IQSEC3: variants seen among roughly 807,000 people sequenced by gnomAD.
IQSEC3 encodes IQ motif and Sec7 domain ArfGEF 3.
In IQSEC3, 50 loss-of-function variants were observed where a neutral mutation model predicts 105.4. The ratio of observed to expected loss-of-function variants is 0.47; its 90% confidence interval spans 0.38 to 0.60. The LOEUF is 0.60. IQSEC3 is among the 20% of genes least tolerant of loss of function. The pLI is 0.00. For missense variants in IQSEC3, 1,415 were observed against 1,630.0 expected (o/e 0.87, Z 2.27); for synonymous variants, 708 against 746.0 (o/e 0.95, Z 0.83).
intron 3 of IQSEC3, among the ~76,000 whole-genome samples, chr12:136,562 C>T (rs528845088): frequency 2.3e-4 from 35 of 152,136 alleles, no homozygotes; most frequent in Non-Finnish European, 3.7e-4. Context: ...TATCTGTACC[C>T]TCGCCATCCA....
Position 157,698 on chromosome 12 carries a change from A to C in IQSEC3, c.2443+4A>C. On this transcript the variant is annotated splice_donor_region_variant and intron_variant, in intron 7 of 13. Coordinates refer to ENST00000538872, the MANE Select transcript of IQSEC3 (RefSeq NM_001170738.2). ...GACTTCATCCGAAACCTTCGAGGTG[A>C]GGAGGTGGGCACTGGGGCAGGAGGG... 1 of 1,610,518 alleles carries C rather than the reference A, an allele frequency of 6.2e-7. No individual in the cohort carries two copies. Among genetic ancestry groups the C allele is most frequent in the African/African-American group, 1.3e-5 (1 of 75,020 alleles).
chr12:171,153 A>G lies in IQSEC3; in HGVS notation c.3106A>G (p.Thr1036Ala). ...AALRERPAES[T>A]VEVSIHNRLQ... is the part of the protein sequence containing the mutation. Reference sequence around the variant, plus strand: ...GCTCAGGGAGAGGCCGGCGGAGAGCACGGTGGAGGTAAGTGGAGCCCTGGT... The same window carrying G: ...GCTCAGGGAGAGGCCGGCGGAGAGCGCGGTGGAGGTAAGTGGAGCCCTGGT... The change falls in exon 13 of 14, where the codon ACG (threonine) becomes GCG (alanine). Residue 1036 changes from threonine to alanine, a missense_variant. Around this residue, in one of 6 missense-constraint regions of IQSEC3, gnomAD observed 419 missense variants for 436.2 expected, o/e 0.96. Transcript: ENST00000538872. 6.2e-7 allele frequency: 1 copy of G among 1,614,092 alleles called. No homozygotes were observed.
chr12:74,429 G>A (rs1318529100), intron 1 of IQSEC3, among the ~76,000 whole-genome samples: 6 of 152,274 alleles, frequency 3.9e-5, no homozygotes, highest in Admixed American at 6.5e-5. Context: ...TTGTGACTGT[G>A]AGGCCACCAT....
chr12:132,022 G>A (rs782539799), intron 3 of IQSEC3, among the ~76,000 whole-genome samples: 1 of 152,090 alleles, frequency 6.6e-6, no homozygotes, highest in African/African-American at 2.4e-5. Flanking sequence ...GGGAGGGAAG[G>A]ATGGGTTGGA....
At chr12:75,651 A>G in intron 1 of IQSEC3, among the ~76,000 whole-genome samples, 1 of 152,264 alleles carries the variant, frequency 6.6e-6, no homozygotes, top group Non-Finnish European at 1.5e-5. Flanking sequence ...TTGGTGTCGC[A>G]CGAGCCTGAA....
chr12:155,841 C>T (rs1380708878), intron 5 of IQSEC3, among the ~76,000 whole-genome samples: 1 of 152,106 alleles, frequency 6.6e-6, no homozygotes, highest in South Asian at 2.1e-4. Flanking sequence ...AGGGGCTGTG[C>T]CATAGCCAGT....
intron 3 of IQSEC3, among the ~76,000 whole-genome samples, chr12:134,461 G>A (rs1055850062): frequency 7.9e-5 from 12 of 152,254 alleles, no homozygotes; most frequent in Non-Finnish European, 1.8e-4. Flanking sequence ...CAAGGGCATG[G>A]ACCCCATCAC....
Position 174,931 on chromosome 12 carries a change from G to GGGCC in IQSEC3, c.3447_3448insGGCC (p.Pro1150GlyfsTer104). On this transcript the variant is annotated frameshift_variant, in exon 14 of 14. Coordinates refer to ENST00000538872, the MANE Select transcript of IQSEC3 (RefSeq NM_001170738.2). LOFTEE classifies it high-confidence loss of function. Reference sequence around the variant, plus strand: ...TCAAGGTCACCCACCAGCCTCCGCTGCCCCCGCCCCCACCCCCCTACAACC... The same window carrying GGGCC: ...TCAAGGTCACCCACCAGCCTCCGCTGGGCCCCCCCGCCCCCACCCCCCTACAACC... 6.5e-7 allele frequency: 1 copy of GGGCC among 1,526,982 alleles called. No individual in the cohort carries two copies. The highest frequency in any genetic ancestry group is 8.8e-7 in the Non-Finnish European group (1 of 1,139,816). 94.6% of individuals were successfully genotyped at this position (1,526,982 alleles called of 1,614,324 possible).
intron 1 of IQSEC3, among the ~76,000 whole-genome samples, chr12:90,389 C>G (rs1555073070): frequency 6.6e-6 from 1 of 152,170 alleles, no homozygotes; most frequent in Non-Finnish European, 1.5e-5. Context: ...CTGGTCCTAT[C>G]TATGAAATCT....
intron 1 of IQSEC3, among the ~76,000 whole-genome samples, chr12:84,567 T>C (rs1863855693): frequency 1.3e-5 from 2 of 152,210 alleles, no homozygotes; most frequent in Non-Finnish European, 2.9e-5. Context: ...TGCATTGTTG[T>C]AAGAGCTCTG....
chr12:122,820 C>G (rs528197507), intron 2 of IQSEC3, among the ~76,000 whole-genome samples: 4 of 152,302 alleles, frequency 2.6e-5, no homozygotes, highest in African/African-American at 7.2e-5. Flanking sequence ...TCAAAGAAAG[C>G]AGAGGGCTGG....
intron 1 of IQSEC3, among the ~76,000 whole-genome samples, chr12:75,392 AG>A (rs1282889057): frequency 3.9e-5 from 6 of 152,228 alleles, no homozygotes; most frequent in Non-Finnish European, 8.8e-5. Flanking sequence ...GGAGGGACAC[AG>A]GGCACTTCCA....
chr12:159,799 T>C (rs1313725940), intron 7 of IQSEC3, among the ~76,000 whole-genome samples: 1 of 152,256 alleles, frequency 6.6e-6, no homozygotes, highest in Non-Finnish European at 1.5e-5. Flanking sequence ...TCTTAAATGT[T>C]GTATTTGATC....
chr12:140,929 CCT>C (rs1865993914), intron 4 of IQSEC3, 193 bp from the exon 5 acceptor site: 6 of 546,364 alleles, frequency 1.1e-5, no homozygotes, highest in Non-Finnish European at 1.6e-5. Flanking sequence ...GCAGATCTCC[CCT>C]GTCCTCCTTC....
chr12:145,262 A>C (rs1311338397), intron 5 of IQSEC3, among the ~76,000 whole-genome samples: 7 of 152,100 alleles, frequency 4.6e-5, no homozygotes, highest in East Asian at 1.9e-4. Flanking sequence ...GTTATCTGTA[A>C]ATGTTAGCTC....
At chr12:154,790 C>A (rs1273413210) in intron 5 of IQSEC3, among the ~76,000 whole-genome samples, 1 of 152,152 alleles carries the variant, frequency 6.6e-6, no homozygotes, top group African/African-American at 2.4e-5. Flanking sequence ...CTGTTTTTTG[C>A]TTGTTCTTTA....
At position 138,219 on chromosome 12, in the gene IQSEC3, C is replaced by T; in HGVS notation, c.904-48C>T. ...TCCACCACTCCTCAGAAGGGCTGAC[C>T]ACCCTTCCCCTCTGAGCCCTTCCTC... On this transcript the variant is annotated intron_variant, in intron 3 of 13. Transcript: ENST00000538872. The surrounding 1 kb of genome is among the most constrained non-coding windows in gnomAD (Gnocchi z 7.1). The T allele has an allele frequency of 1.3e-6, 2 of 1,512,130 alleles. No homozygotes were observed. The highest frequency in any genetic ancestry group is 1.2e-5 in the South Asian group (1 of 81,450). The allele number at this position is 1,512,130 out of a possible 1,614,324, so 93.7% of individuals were successfully genotyped here. A position where few individuals can be genotyped will look rare whatever the true frequency, so the allele number is the denominator to read the frequency against.
At chr12:151,504 T>G (rs1196373296) in intron 5 of IQSEC3, among the ~76,000 whole-genome samples, 1 of 152,330 alleles carries the variant, frequency 6.6e-6, no homozygotes, top group Non-Finnish European at 1.5e-5. Flanking sequence ...AGCTTGGACC[T>G]CTGCAGTAGC....
At chr12:99,087 G>A in intron 1 of IQSEC3, 59 bp from the exon 2 acceptor site, 1 of 1,483,128 alleles carries the variant, frequency 6.7e-7, no homozygotes, top group Non-Finnish European at 9.2e-7. Flanking sequence ...TTTAGTGTCA[G>A]GCAGGGCGGG....
Sources: gnomAD v4.1 joint callset for allele counts (sites outside exome capture counted in the v4.1 genomes callset) on GRCh38, gnomAD v4.1.1 for gene constraint, gnomAD v4.1.1 regional missense constraint, Gnocchi (gnomAD v3.1) non-coding constraint, MANE v1.5 for transcripts, NCBI Gene and HGNC (gene_info 2026-07-23, HGNC 2026-07-21) for gene names.